SLC12A8: variants seen among roughly 807,000 people sequenced by gnomAD.
SLC12A8 encodes the protein solute carrier family 12 member 8.
A neutral mutation model predicts 75.6 loss-of-function variants in SLC12A8; 69 were observed. The ratio of observed to expected loss-of-function variants is 0.91; its 90% CI spans 0.75 to 1.11. SLC12A8 has a LOEUF of 1.11. Ranked by LOEUF, SLC12A8 falls within the 50% of genes most tolerant of loss-of-function variation. SLC12A8 has a pLI of 0.00. For synonymous variants in SLC12A8, 365 were observed against 372.8 expected, an observed-to-expected ratio of 0.98 and a Z score of 0.24; for missense variants, 877 against 896.7, an observed-to-expected ratio of 0.98 and a Z score of 0.28.
chr3:125,096,525 C>T (rs112653151), intron 10 of SLC12A8, among the ~76,000 whole-genome samples: 195 of 152,268 alleles, frequency 1.3e-3, no homozygotes, highest in African/African-American at 4.5e-3. Context: ...CATTCTACAC[C>T]TTGAGAAGAC....
chr3:125,191,483 TG>T (rs1023649122), intron 2 of SLC12A8, among the ~76,000 whole-genome samples: 1 of 4,690 alleles, frequency 2.1e-4, no homozygotes, highest in African/African-American at 1.2e-3. Flanking sequence ...GGTTCTCAGC[TG>T]GGTGGGGTGG....
chr3:125,088,454 A>C (rs1938515002), intron 12 of SLC12A8, 84 bp from the exon 13 acceptor site: 1 of 1,028,188 alleles, frequency 9.7e-7, no homozygotes, highest in Non-Finnish European at 1.5e-6. Context: ...GTGAATGCAA[A>C]CCCCAATACA....
At chr3:125,139,980 G>A (rs557191564) in intron 5 of SLC12A8, among the ~76,000 whole-genome samples, 1 of 152,320 alleles carries the variant, frequency 6.6e-6, no homozygotes, top group African/African-American at 2.4e-5. Context: ...CTCTACTCTA[G>A]CAGCTACATC....
rs370385440 is a variant in SLC12A8, at chr3:125,129,830, C to T, written c.736+5839G>A. Among the ~76,000 whole-genome samples, 8 of 152,320 alleles carry T rather than the reference C, an allele frequency of 5.3e-5. No homozygotes were observed. In the South Asian group the frequency reaches 6.2e-4, roughly 12 times the overall value. On this transcript the variant is annotated intron_variant, in intron 6 of 13. Transcript: ENST00000469902. ...GAGACAGCAAGTCATACAAACCATT[C>T]GTCCTGCCTATTGTGTTTACAATTG... is the stretch of plus-strand genomic sequence containing the variant.
At chr3:125,155,666 G>C (rs1185238253) in intron 5 of SLC12A8, among the ~76,000 whole-genome samples, 2 of 141,828 alleles carry the variant, frequency 1.4e-5, no homozygotes. Flanking sequence ...CAGGAGGATG[G>C]CATGAACCTG....
intron 5 of SLC12A8, among the ~76,000 whole-genome samples, chr3:125,146,052 G>A (rs1386700779): frequency 2.0e-5 from 3 of 152,182 alleles, no homozygotes; most frequent in Admixed American, 6.5e-5. Flanking sequence ...CTGGTCTCAA[G>A]CCCCTGAGCA....
intron 3 of SLC12A8, among the ~76,000 whole-genome samples, chr3:125,187,823 A>T (rs1232035581): frequency 6.6e-5 from 9 of 135,400 alleles, no homozygotes; most frequent in Non-Finnish European, 4.5e-5. Flanking sequence ...TACCTTTGTC[A>T]GGTTAACTCC....
chr3:125,181,911 G>C (rs753522923), intron 4 of SLC12A8, among the ~76,000 whole-genome samples: 9 of 152,160 alleles, frequency 5.9e-5, no homozygotes, highest in Admixed American at 3.9e-4. Context: ...AGAGGGCCAG[G>C]CCCAGTGGCT....
At chr3:125,202,474 C>T (rs60464356) in intron 2 of SLC12A8, among the ~76,000 whole-genome samples, 1,700 of 152,284 alleles carry the variant, frequency 0.011, 43 homozygotes, top group African/African-American at 0.038. Flanking sequence ...ATTACCATAG[C>T]ATCTAGGCTT....
chr3:125,208,527 C>G (rs1935268892), intron 2 of SLC12A8, among the ~76,000 whole-genome samples: 2 of 152,126 alleles, frequency 1.3e-5, no homozygotes, highest in Non-Finnish European at 2.9e-5. Flanking sequence ...CACAAATTAT[C>G]TCTTTTAATT....
intron 6 of SLC12A8, among the ~76,000 whole-genome samples, chr3:125,130,848 C>A (rs1933337591): frequency 1.3e-5 from 2 of 152,156 alleles, no homozygotes; most frequent in African/African-American, 4.8e-5. Context: ...AGTGGAGGGG[C>A]ACATCAGGGC....
chr3:125,116,385 A>G (rs114715953), intron 8 of SLC12A8, among the ~76,000 whole-genome samples: 3,007 of 152,274 alleles, frequency 0.02, 42 homozygotes, highest in Non-Finnish European at 0.029. Flanking sequence ...GTGTGTGCAT[A>G]ATTACATTCC....
At chr3:125,210,727 A>G (rs1579551518) in intron 2 of SLC12A8, among the ~76,000 whole-genome samples, 2 of 152,182 alleles carry the variant, frequency 1.3e-5, no homozygotes, top group East Asian at 3.8e-4. Context: ...GGGTGCACAT[A>G]GTTTCTGGAT....
chr3:125,185,176 C>T (rs1204144709), intron 4 of SLC12A8, among the ~76,000 whole-genome samples: 2 of 151,948 alleles, frequency 1.3e-5, no homozygotes, highest in Admixed American at 1.3e-4. Flanking sequence ...CAAAGTTAGC[C>T]GGGTGTGGTG....
At chr3:125,184,033 C>T (rs7612031) in intron 4 of SLC12A8, among the ~76,000 whole-genome samples, 3,829 of 151,984 alleles carry the variant, frequency 0.025, 162 homozygotes, top group African/African-American at 0.087. Flanking sequence ...AGTGCAGTGG[C>T]GCATTCTCAG....
intron 5 of SLC12A8, 60 bp from the exon 6 acceptor site, chr3:125,135,842 C>G: frequency 1.0e-6 from 1 of 966,638 alleles, no homozygotes; most frequent in Non-Finnish European, 1.6e-6. Context: ...ACACATTTCC[C>G]TAGATTATGG....
chr3:125,191,774 C>G (rs1230318186), intron 2 of SLC12A8, among the ~76,000 whole-genome samples: 2 of 152,190 alleles, frequency 1.3e-5, no homozygotes, highest in African/African-American at 4.8e-5. Flanking sequence ...ATCCACAGAT[C>G]AAGAAGGGGC....
rs184574150 is a variant in SLC12A8 at position 125,192,937 on chromosome 3, A to C, written c.52-2416T>G. On this transcript the variant is annotated intron_variant, in intron 2 of 13. Transcript: ENST00000469902. Reference sequence around the variant, plus strand: ...TACATAAGCCCAGCAAGAGACAGAGAAAGAAGGAAAAGGACGAAACCAAAA... The same window carrying C: ...TACATAAGCCCAGCAAGAGACAGAGCAAGAAGGAAAAGGACGAAACCAAAA... 2.1e-4 allele frequency among the ~76,000 whole-genome samples: 32 copies of C among 152,306 alleles called. No homozygotes were observed. In the East Asian group the frequency reaches 6.2e-3, roughly 29 times the overall value.
intron 2 of SLC12A8, among the ~76,000 whole-genome samples, chr3:125,200,847 G>T (rs757790788): frequency 6.6e-6 from 1 of 152,154 alleles, no homozygotes; most frequent in South Asian, 2.1e-4. Context: ...CTATGAACAC[G>T]GAGACTCATG....
Sources: allele counts gnomAD v4.1 joint callset (sites outside exome capture counted in the v4.1 genomes callset), GRCh38; gene constraint gnomAD v4.1.1; transcripts MANE v1.5; gene names NCBI Gene and HGNC (gene_info 2026-07-23, HGNC 2026-07-21).